Variants in UTY observed in about 807,000 individuals in gnomAD.
UTY encodes ubiquitously transcribed tetratricopeptide repeat containing, Y-linked.
A neutral mutation model predicts 32.5 loss-of-function variants in UTY; 12 were observed. That is an observed-to-expected ratio of 0.37 (90% confidence interval 0.24 to 0.60). UTY has a LOEUF of 0.60. UTY is among the 20% of genes least tolerant of loss of function. The pLI is 0.69. For missense variants in UTY, 303 were observed against 299.2 expected, an observed-to-expected ratio of 1.01 and a Z score of -0.09; for synonymous variants, 131 against 103.4, an observed-to-expected ratio of 1.27 and a Z score of -1.62.
Position 13,326,366 on chromosome Y carries a change from G to C in UTY, c.2835-16C>G. 1 of 383,510 alleles carries C rather than the reference G, an allele frequency of 2.6e-6. No individual in the cohort carries two copies. ...ACCTGGATTCCTTTAAAAAGAAGCA[G>C]AAGAAATGTATCAGTTACATATTTA... On this transcript the variant is annotated splice_polypyrimidine_tract_variant and intron_variant, in intron 18 of 29. Coordinates refer to ENST00000545955, the MANE Select transcript of UTY (RefSeq NM_001258249.2).
intron 17 of UTY, among the ~76,000 whole-genome samples, chrY:13,352,083 G>C: frequency 3.0e-5 from 1 of 33,410 alleles, no homozygotes; most frequent in South Asian, 6.7e-4. Context: ...AGATAGGGCA[G>C]CACACTTAAT....
intron 28 of UTY, among the ~76,000 whole-genome samples, chrY:13,239,689 G>T: frequency 3.0e-5 from 1 of 33,305 alleles, no homozygotes; most frequent in African/African-American, 1.2e-4. Flanking sequence ...AGTAATGAAA[G>T]AAAACACCTG....
intron 17 of UTY, among the ~76,000 whole-genome samples, chrY:13,336,536 C>T (rs749867709): frequency 5.4e-4 from 18 of 33,438 alleles, no homozygotes; most frequent in Admixed American, 2.5e-3. Flanking sequence ...AGAAAATGAT[C>T]TAACCTGCCA....
At chrY:13,263,198 A>G in intron 27 of UTY, among the ~76,000 whole-genome samples, 1 of 33,399 alleles carries the variant, frequency 3.0e-5, no homozygotes. Flanking sequence ...GTGGAGAATT[A>G]TAAGACCCAA....
At chrY:13,274,334 G>A (rs2056529090) in intron 27 of UTY, among the ~76,000 whole-genome samples, 1 of 32,900 alleles carries the variant, frequency 3.0e-5, no homozygotes, top group African/African-American at 1.2e-4. Context: ...TCCCACTTAT[G>A]AGTGAGAACA....
chrY:13,271,745 A>C (rs551757857), intron 27 of UTY, among the ~76,000 whole-genome samples: 1 of 34,127 alleles, frequency 2.9e-5, no homozygotes, highest in African/African-American at 1.1e-4. Flanking sequence ...CAGCAAGGCA[A>C]AGGAAATTAA....
At chrY:13,331,555 A>G in intron 18 of UTY, among the ~76,000 whole-genome samples, 1 of 34,211 alleles carries the variant, frequency 2.9e-5, no homozygotes, top group Admixed American at 2.6e-4. Context: ...ACTCTTCTCC[A>G]GCAAGGGCAC....
At chrY:13,390,180 T>C (rs756442328) in intron 8 of UTY, among the ~76,000 whole-genome samples, 1 of 32,821 alleles carries the variant, frequency 3.0e-5, no homozygotes, top group Non-Finnish European at 7.5e-5. Flanking sequence ...TATATGATCA[T>C]GACTTCTGCA....
intron 28 of UTY, among the ~76,000 whole-genome samples, chrY:13,256,553 T>C (rs2148405624): frequency 2.9e-5 from 1 of 33,917 alleles, no homozygotes; most frequent in Admixed American, 2.6e-4. Context: ...CAATTGAAGG[T>C]GCTGAGAATG....
At chrY:13,393,741 A>G in intron 8 of UTY, 118 bp downstream of exon 8, 1 of 167,863 alleles carries the variant, frequency 6.0e-6, no homozygotes, top group Non-Finnish European at 9.1e-6. Context: ...TATAATACCC[A>G]CAACTCAAAT....
chrY:13,464,332 G>C, intron 3 of UTY, among the ~76,000 whole-genome samples: 1 of 33,633 alleles, frequency 3.0e-5, no homozygotes, highest in Non-Finnish European at 7.4e-5. Context: ...TCGACCCACT[G>C]GATACACACT....
chrY:13,279,355 T>C (rs2056868448), intron 27 of UTY, among the ~76,000 whole-genome samples: 2 of 33,292 alleles, frequency 6.0e-5, no homozygotes, highest in African/African-American at 2.4e-4. Context: ...TTCAACCGAT[T>C]CTCCTGCCTC....
chrY:13,372,684 T>C, intron 8 of UTY, among the ~76,000 whole-genome samples: 1 of 33,306 alleles, frequency 3.0e-5, no homozygotes, highest in Non-Finnish European at 7.4e-5. Flanking sequence ...AAATCATGTA[T>C]TTGGCAATGG....
intron 24 of UTY, among the ~76,000 whole-genome samples, chrY:13,303,964 A>C: frequency 3.0e-5 from 1 of 33,069 alleles, no homozygotes; most frequent in Non-Finnish European, 7.5e-5. Flanking sequence ...CAGAGACTGA[A>C]TATCCTCACT....
intron 7 of UTY, among the ~76,000 whole-genome samples, chrY:13,395,342 C>T: frequency 3.1e-5 from 1 of 32,307 alleles, no homozygotes; most frequent in Admixed American, 2.9e-4. Flanking sequence ...AACTGGATGA[C>T]AGATTAAGAA....
At chrY:13,392,365 C>T in intron 8 of UTY, among the ~76,000 whole-genome samples, 1 of 33,474 alleles carries the variant, frequency 3.0e-5, no homozygotes. Context: ...ACTATTGGAA[C>T]GCTAAGCATG....
At chrY:13,266,250 A>G (rs2055768678) in intron 27 of UTY, among the ~76,000 whole-genome samples, 1 of 32,570 alleles carries the variant, frequency 3.1e-5, no homozygotes, top group Non-Finnish European at 7.5e-5. Context: ...GGGAGGGTGT[A>G]TATGTCCAGG....
intron 18 of UTY, 125 bp downstream of exon 18, chrY:13,335,438 A>T: frequency 3.6e-5 from 8 of 223,519 alleles, no homozygotes; most frequent in Non-Finnish European, 5.7e-5. Context: ...TTGTTGTTTT[A>T]TATGAGTGAC....
intron 25 of UTY, among the ~76,000 whole-genome samples, chrY:13,302,282 A>G: frequency 3.0e-5 from 1 of 33,562 alleles, no homozygotes; most frequent in African/African-American, 1.2e-4. Context: ...AATTCCCCAT[A>G]ATTTCTAAAA....
Sources: allele counts gnomAD v4.1 joint callset (sites outside exome capture counted in the v4.1 genomes callset), GRCh38; gene constraint gnomAD v4.1.1; transcripts MANE v1.5; gene names NCBI Gene and HGNC (gene_info 2026-07-23, HGNC 2026-07-21).